INCA1: variants seen among roughly 807,000 people sequenced by gnomAD.
INCA1 encodes inhibitor of CDK, cyclin A1 interacting protein 1.
A neutral mutation model predicts 25.7 loss-of-function variants in INCA1; 28 were observed. The ratio of observed to expected loss-of-function variants is 1.09; its 90% CI spans 0.81 to 1.49. INCA1 has a LOEUF of 1.49. Among genes scored for constraint, INCA1 ranks in the 40% most tolerant of loss-of-function variants. The pLI, the probability that INCA1 is intolerant of heterozygous loss-of-function variation, is 0.00. For missense variants in INCA1, 309 were observed against 290.9 expected (o/e 1.06, Z -0.45); for synonymous variants, 111 against 103.6 (o/e 1.07, Z -0.43).
At chr17:4,991,734 C>T (rs1973889103) in intron 2 of INCA1, among the ~76,000 whole-genome samples, 1 of 152,166 alleles carries the variant, frequency 6.6e-6, no homozygotes, top group African/African-American at 2.4e-5. Flanking sequence ...TCCTCCCCAA[C>T]CTTCCTCCTC....
intron 2 of INCA1, among the ~76,000 whole-genome samples, chr17:4,993,202 G>C (rs1437989173): frequency 6.6e-6 from 1 of 151,248 alleles, no homozygotes; most frequent in Non-Finnish European, 1.5e-5. Flanking sequence ...TTTTTGAGAC[G>C]GAGTTTCACT....
At chr17:4,990,372 G>GGAACCTGGGCAGC in intron 2 of INCA1, 107 bp from the exon 3 acceptor site, 1 of 1,292,936 alleles carries the variant, frequency 7.7e-7, no homozygotes, top group Non-Finnish European at 1.0e-6. Flanking sequence ...AGCTGCCCAG[G>GGAACCTGGGCAGC]TTCCCTCGGG....
intron 2 of INCA1, among the ~76,000 whole-genome samples, chr17:4,993,963 G>C (rs896332503): frequency 2.7e-5 from 4 of 150,166 alleles, no homozygotes; most frequent in African/African-American, 9.8e-5. Flanking sequence ...GTAGAGATGG[G>C]GTTTTGTCAT....
intron 5 of INCA1, 140 bp from the exon 6 acceptor site, chr17:4,989,084 T>C: frequency 1.0e-6 from 1 of 957,904 alleles, no homozygotes; most frequent in Non-Finnish European, 1.5e-6. Context: ...CCACTCCCAA[T>C]TTTCTGCTCC....
chr17:4,988,313 G>T (rs1009928905), exon 7 of INCA1: 1 of 1,373,162 alleles, frequency 7.3e-7, no homozygotes, highest in African/African-American at 1.5e-5. Context: ...AAGGGGAAAC[G>T]CCTTCATGTC....
At chr17:4,989,812 A>G (rs1206523251) in intron 4 of INCA1, 78 bp downstream of exon 4, 1 of 1,604,602 alleles carries the variant, frequency 6.2e-7, no homozygotes, top group Admixed American at 1.7e-5. Context: ...GGAAGCGGTA[A>G]TAAGGAGAGC....
At chr17:4,992,340 T>C (rs1973927665) in intron 2 of INCA1, among the ~76,000 whole-genome samples, 2 of 152,194 alleles carry the variant, frequency 1.3e-5, no homozygotes, top group South Asian at 2.1e-4. Context: ...TGGAGTGCAG[T>C]GACCCAATTA....
exon 5 of INCA1, chr17:4,989,488 C>G: frequency 6.2e-7 from 1 of 1,614,222 alleles, no homozygotes; most frequent in East Asian, 2.2e-5. Context: ...AGCCCTCACC[C>G]GGGCGGGGAC....
chr17:4,990,168 G>A, exon 3 of INCA1: 1 of 1,614,176 alleles, frequency 6.2e-7, no homozygotes, highest in Non-Finnish European at 8.5e-7. Context: ...CTTTGATTAA[G>A]GTTCTTCCAG....
chr17:4,995,256 T>A (rs541248832), intron 1 of INCA1, among the ~76,000 whole-genome samples: 12 of 151,512 alleles, frequency 7.9e-5, no homozygotes, highest in African/African-American at 2.4e-4. Flanking sequence ...AACATTTAGG[T>A]TGAAGATAGT....
At chr17:4,990,062 G>A (rs427703) in intron 3 of INCA1, 90 bp downstream of exon 3, 11 of 1,609,708 alleles carry the variant, frequency 6.8e-6, no homozygotes, top group Middle Eastern at 1.7e-4. Context: ...GAAATTAACC[G>A]CAGACTAGGG....
At chr17:4,993,767 C>CTTTTTTT (rs934109564) in intron 2 of INCA1, among the ~76,000 whole-genome samples, 1 of 97,318 alleles carries the variant, frequency 1.0e-5, no homozygotes, top group Non-Finnish European at 2.0e-5. Flanking sequence ...CGTGCCTGGC[C>CTTTTTTT]TTTTTTTTTT....
At chr17:4,993,703 C>T (rs562396182) in intron 2 of INCA1, among the ~76,000 whole-genome samples, 21 of 150,512 alleles carry the variant, frequency 1.4e-4, no homozygotes, top group South Asian at 6.3e-4. Context: ...CTCCTGACCT[C>T]GTGATCCACC....
At chr17:4,994,619 A>C in intron 1 of INCA1, 144 bp from the exon 2 acceptor site, 1 of 586,770 alleles carries the variant, frequency 1.7e-6, no homozygotes, top group Non-Finnish European at 3.0e-6. Flanking sequence ...GTGAAACCCC[A>C]TCTCTGCTAA....
chr17:4,994,373 C>T (rs561528651), intron 2 of INCA1, 21 bp downstream of exon 2: 67 of 1,612,878 alleles, frequency 4.2e-5, no homozygotes, highest in Non-Finnish European at 5.4e-5. Flanking sequence ...CCCATGCTCC[C>T]CACCCAGTGG....
chr17:4,988,866 G>T, exon 6 of INCA1: 1 of 1,614,218 alleles, frequency 6.2e-7, no homozygotes. Context: ...CATTGGTGCT[G>T]GGGAATCCAC....
chr17:4,994,855 C>G (rs1974128029), intron 1 of INCA1, among the ~76,000 whole-genome samples: 1 of 147,088 alleles, frequency 6.8e-6, no homozygotes, highest in African/African-American at 2.5e-5. Flanking sequence ...AGGCCAGTAG[C>G]AGATCTAGAG....
chr17:4,994,524 G>C, intron 1 of INCA1, 49 bp from the exon 2 acceptor site: 1 of 1,433,638 alleles, frequency 7.0e-7, no homozygotes, highest in South Asian at 1.2e-5. Flanking sequence ...GGATGTGGTG[G>C]CTCACGCCTG....
intron 2 of INCA1, among the ~76,000 whole-genome samples, chr17:4,991,884 T>C (rs1363263558): frequency 2.0e-5 from 3 of 152,150 alleles, no homozygotes; most frequent in Admixed American, 2.0e-4. Flanking sequence ...ATTTGACCAC[T>C]CCTCATCATT....
Sources: gnomAD v4.1 joint callset for allele counts (sites outside exome capture counted in the v4.1 genomes callset) on GRCh38, gnomAD v4.1.1 for gene constraint, MANE v1.5 for transcripts, NCBI Gene and HGNC (gene_info 2026-07-23, HGNC 2026-07-21) for gene names.